Variants in NAGPA observed in about 807,000 individuals in gnomAD.
NAGPA encodes the protein alpha-N-acetylglucosaminyl phosphodiesterase.
NAGPA carries 56 observed loss-of-function variants against 48.5 expected under a neutral mutation model. The observed-to-expected ratio is 1.15, with a 90% CI of 0.93 to 1.44. The LOEUF is 1.44. Ranked by LOEUF, NAGPA falls within the 40% of genes most tolerant of loss-of-function variation. NAGPA has a pLI of 0.00. For synonymous variants in NAGPA, 399 were observed against 315.5 expected, an observed-to-expected ratio of 1.26 and a Z score of -2.81; for missense variants, 888 against 735.0, an observed-to-expected ratio of 1.21 and a Z score of -2.41.
At position 5,025,683 on chromosome 16, in the gene NAGPA, G is replaced by A. The variant is rs763888231; in HGVS notation, c.1343C>T (p.Thr448Ile). Residue 448 changes from threonine (T) to isoleucine (I), a missense_variant and splice_region_variant, in exon 10 of 10, where the codon ACC (threonine) becomes ATC (isoleucine). Thr to Ile is a moderately conservative substitution (Grantham distance 89, BLOSUM62 -1). Transcript: ENST00000312251. Reference protein sequence around the residue: ...RAGELSFFTRTAWLALTLALA... With the variant: ...RAGELSFFTRIAWLALTLALA... ...CGCCAGGGTGAGGGCTAGCCAGGCGGTCCTGCAGACAGGAGAGAAGCCCCA... is the reference window on the plus strand; with the variant it reads ...CGCCAGGGTGAGGGCTAGCCAGGCGATCCTGCAGACAGGAGAGAAGCCCCA... The A allele has an allele frequency of 1.2e-6, 2 of 1,601,940 alleles. No homozygotes were observed. Among genetic ancestry groups the A allele is most frequent in the Admixed American group, 3.5e-5 (2 of 57,390 alleles).
rs980640320 is a variant in NAGPA, at chr16:5,025,050, G to A, written c.*428C>T. The A allele has an allele frequency of 1.4e-5, 3 of 214,494 alleles. No homozygotes were observed. Among genetic ancestry groups the A allele is most frequent in the African/African-American group, 4.5e-5 (2 of 44,504 alleles). The allele number at this position is 214,494 out of a possible 1,614,324, so 13.3% of individuals were successfully genotyped here. On this transcript the variant is annotated 3_prime_UTR_variant, in exon 10 of 10. Coordinates refer to ENST00000312251, the MANE Select transcript of NAGPA (RefSeq NM_016256.4). ...GAGGTCTGTAGAAAAGGGGTCCCGT[G>A]TCACAGCCAGGAAGGCAGACTCGTC...
At position 5,030,409 on chromosome 16, in the gene NAGPA, G is replaced by T; in HGVS notation, c.767C>A (p.Ala256Glu). The T allele has an allele frequency of 6.4e-7, 1 of 1,552,724 alleles. No individual in the cohort carries two copies. The highest frequency in any genetic ancestry group is 1.2e-5 in the South Asian group (1 of 84,122). The stretch of plus-strand genomic sequence containing the variant: ...CCCACGCTGCTCCGTTTGGCCGTCT[G>T]CATGAAAGAGCACCAGCTGCCCTTT... ...DRKGQLVLFH[A>E]DGQTEQRGIN... Residue 256 changes from alanine to glutamate, a missense_variant, in exon 4 of 10, where the codon GCA (alanine) becomes GAA (glutamate). Transcript: ENST00000312251.
intron 2 of NAGPA, 100 bp from the exon 3 acceptor site, chr16:5,031,984 C>A (rs1309054408): frequency 2.0e-6 from 3 of 1,534,008 alleles, no homozygotes; most frequent in African/African-American, 1.4e-5. Flanking sequence ...GCTAGATTCC[C>A]CCTCATGCCC....
At position 5,033,834 on chromosome 16, in the gene NAGPA, G is replaced by A. The variant is rs1956152510; in HGVS notation, c.81C>T (p.Asp27=). 1 of 1,551,366 alleles carries A rather than the reference G, an allele frequency of 6.4e-7. No homozygotes were observed. The highest frequency in any genetic ancestry group is 1.4e-5 in the African/African-American group (1 of 73,188). Residue 27 remains aspartate (D), a synonymous_variant, in exon 1 of 10, where the codon GAC becomes GAT. Transcript: ENST00000312251. This position sits in a 1 kb window ranked among gnomAD's most constrained non-coding sequence, Gnocchi z 4.2. The part of the protein sequence containing the change: ...GFLWEASGGL[D]SGASRDDDLL... ...GCCCAGGGAGCTGCACTCACCCCGAGTCGAGGCCGCCGGACGCTTCCCAGA... is the reference window on the plus strand; with the variant it reads ...GCCCAGGGAGCTGCACTCACCCCGAATCGAGGCCGCCGGACGCTTCCCAGA...
intron 5 of NAGPA, chr16:5,028,455 A>G: frequency 1.4e-6 from 1 of 710,926 alleles, no homozygotes; most frequent in Non-Finnish European, 2.5e-6. Context: ...CACTGGTCTT[A>G]AACTCCTGGG....
At position 5,025,489 on chromosome 16, in the gene NAGPA, A is replaced by G. The variant is rs1257503391; in HGVS notation, c.1537T>C (p.Phe513Leu). 6.2e-7 allele frequency: 1 copy of G among 1,612,142 alleles called. No homozygotes were observed. The highest frequency in any genetic ancestry group is 1.3e-5 in the African/African-American group (1 of 74,986). Residue 513 changes from phenylalanine to leucine, a missense_variant, in exon 10 of 10, where the codon TTC (phenylalanine) becomes CTC (leucine). Physicochemically the swap from Phe to Leu is conservative, Grantham distance 22. Coordinates refer to ENST00000312251, the MANE Select transcript of NAGPA (RefSeq NM_016256.4). Reference protein sequence around the residue: ...KEQPGGAHNPFKD With the variant: ...KEQPGGAHNPLKD ...GGCAGCTTGAGGCTTCAGTCCTTGA[A>G]GGGGTTGTGGGCGCCCCCTGGCTGC... is the stretch of plus-strand genomic sequence containing the variant.
At chr16:5,026,041 G>A (rs1344873670) in intron 9 of NAGPA, among the ~76,000 whole-genome samples, 2 of 150,986 alleles carry the variant, frequency 1.3e-5, no homozygotes, top group East Asian at 2.0e-4. Context: ...CGATTCCCCT[G>A]CCTTGGACTC....
Position 5,033,469 on chromosome 16 carries a change from C to A in NAGPA, c.346G>T (p.Ala116Ser), listed in dbSNP as rs1484613583. 1.9e-6 allele frequency: 3 copies of A among 1,579,526 alleles called. No individual in the cohort carries two copies. Among genetic ancestry groups the A allele is most frequent in the Non-Finnish European group, 2.6e-6 (3 of 1,171,058 alleles). ...TCCACGGTGGCGCGTCGTCTCGCCGCGCAGCCGCCGGGTCCACCGGGCTCC... is the reference window on the plus strand; with the variant it reads ...TCCACGGTGGCGCGTCGTCTCGCCGAGCAGCCGCCGGGTCCACCGGGCTCC... ...VLEPGGPGGC[A>S]ARRRATVEET... The change falls in exon 2 of 10, where the codon GCG (alanine) becomes TCG (serine). Residue 116 changes from alanine (A) to serine (S), a missense_variant. Transcript: ENST00000312251. The surrounding 1 kb of genome is among the most constrained non-coding windows in gnomAD (Gnocchi z 4.2).
Position 5,033,621 on chromosome 16 carries a change from G to A in NAGPA, c.194C>T (p.Pro65Leu). ...GGCGCCGGGAGTCGCGGGAGGCGGA[G>A]GCCAACTCTCGTGCTCGCGGTTGCC... The part of the protein sequence containing the change: ...RAGNREHESW[P>L]PPPATPGAGG... The change falls in exon 2 of 10, where the codon CCT becomes CTT. Residue 65 changes from proline (P) to leucine (L), a missense_variant. By Grantham distance (98) the Pro-to-Leu change is moderately conservative. Transcript: ENST00000312251. This position sits in a 1 kb window ranked among gnomAD's most constrained non-coding sequence, Gnocchi z 4.2. 6.6e-7 allele frequency: 1 copy of A among 1,523,830 alleles called. No homozygotes were observed. The highest frequency in any genetic ancestry group is 8.7e-7 in the Non-Finnish European group (1 of 1,147,946). The allele number at this position is 1,523,830 out of a possible 1,614,324, so 94.4% of individuals were successfully genotyped here.
At chr16:5,032,774 A>G (rs1956125129) in intron 2 of NAGPA, among the ~76,000 whole-genome samples, 1 of 151,574 alleles carries the variant, frequency 6.6e-6, no homozygotes, top group Non-Finnish European at 1.5e-5. Context: ...TGAGCCTCTG[A>G]GCCTTTGTGC....
Position 5,033,212 on chromosome 16 carries a change from G to A in NAGPA, c.542+61C>T, listed in dbSNP as rs1956134226. The A allele has an allele frequency of 1.3e-6, 2 of 1,533,054 alleles. No homozygotes were observed. Among genetic ancestry groups the A allele is most frequent in the Non-Finnish European group, 1.7e-6 (2 of 1,143,074 alleles). 95.0% of individuals were successfully genotyped at this position (1,533,054 alleles called of 1,614,324 possible). A position where few individuals can be genotyped will look rare whatever the true frequency, so the allele number is the denominator to read the frequency against. The stretch of plus-strand genomic sequence containing the variant: ...TTAAGTGACTTGAACACGGAGGCAC[G>A]GCTACAACCCAAATCTCAGGCCCTC... On this transcript the variant is annotated intron_variant, in intron 2 of 9. Coordinates refer to ENST00000312251, the MANE Select transcript of NAGPA (RefSeq NM_016256.4). The surrounding 1 kb of genome is among the most constrained non-coding windows in gnomAD (Gnocchi z 4.2).
intron 4 of NAGPA, 102 bp downstream of exon 4, chr16:5,030,283 A>G: frequency 9.1e-7 from 1 of 1,095,606 alleles, no homozygotes; most frequent in South Asian, 1.3e-5. Flanking sequence ...AGGTGTCAAC[A>G]TCCCAGAAAG....
chr16:5,033,342 C>G lies in NAGPA; in HGVS notation c.473G>C (p.Arg158Pro). The change falls in exon 2 of 10, where the codon CGG (arginine) becomes CCG (proline). Residue 158 changes from arginine to proline, a missense_variant. Arg to Pro is a moderately radical substitution (Grantham distance 103, BLOSUM62 -2). Coordinates refer to ENST00000312251, the MANE Select transcript of NAGPA (RefSeq NM_016256.4). This position sits in a 1 kb window ranked among gnomAD's most constrained non-coding sequence, Gnocchi z 4.2. Reference protein sequence around the residue: ...CLGNVVSDERRVSSSGGLQNA... With the variant: ...CLGNVVSDERPVSSSGGLQNA... ...CTGCAGCCCCCCGGAGCTGCTCACC[C>G]GCCGCTCGTCGCTCACCACGTTCCC... 1 of 1,597,928 alleles carries G rather than the reference C, an allele frequency of 6.3e-7. No individual in the cohort carries two copies. Among genetic ancestry groups the G allele is most frequent in the Non-Finnish European group, 8.5e-7 (1 of 1,179,586 alleles).
In NAGPA at chr16:5,024,996, A is replaced by G. The variant is rs1955969165; in HGVS notation, c.*482T>C. 1 of 166,158 alleles carries G rather than the reference A, an allele frequency of 6.0e-6. No homozygotes were observed. The highest frequency in any genetic ancestry group is 2.4e-5 in the African/African-American group (1 of 41,926). The allele number at this position is 166,158 out of a possible 1,614,324, so 10.3% of individuals were successfully genotyped here. A position where few individuals can be genotyped will look rare whatever the true frequency, so the allele number is the denominator to read the frequency against. On this transcript the variant is annotated 3_prime_UTR_variant, in exon 10 of 10. Transcript: ENST00000312251. ...TCCAAGGAGCTTCCTATGACAGGAA[A>G]TCGAATTCTAGTTGGCAAATCCAGT...
chr16:5,031,712 A>C (rs1209829718), intron 3 of NAGPA, 33 bp downstream of exon 3: 10 of 1,613,926 alleles, frequency 6.2e-6, no homozygotes, highest in Non-Finnish European at 8.5e-6. Flanking sequence ...CTGGTTCTCG[A>C]GAGGGTTGTT....
At chr16:5,027,719 G>C (rs982909784) in intron 7 of NAGPA, 127 bp downstream of exon 7, 5 of 1,379,464 alleles carry the variant, frequency 3.6e-6, no homozygotes, top group Non-Finnish European at 5.0e-6. Flanking sequence ...GTGCAGGTGA[G>C]GCCGGGGCAG....
rs372819362 is a variant in NAGPA at position 5,030,417 on chromosome 16, G to C, written c.759C>G (p.Leu253=). The C allele has an allele frequency of 5.8e-6, 9 of 1,553,094 alleles. No individual in the cohort carries two copies. The highest frequency in any genetic ancestry group is 2.7e-5 in the African/African-American group (2 of 73,132). The change falls in exon 4 of 10, where the codon CTC becomes CTG. Residue 253 remains leucine (L), a synonymous_variant. Transcript: ENST00000312251. The part of the protein sequence containing the change: ...IGHDRKGQLV[L]FHADGQTEQR... ...GCTCCGTTTGGCCGTCTGCATGAAA[G>C]AGCACCAGCTGCCCTTTCCGGTCGT...
In NAGPA at chr16:5,028,066, C is replaced by T. The variant is rs1238533396; in HGVS notation, c.1040G>A (p.Cys347Tyr). 6.2e-7 allele frequency: 1 copy of T among 1,613,828 alleles called. No individual in the cohort carries two copies. The highest frequency in any genetic ancestry group is 8.5e-7 in the Non-Finnish European group (1 of 1,179,922). The change falls in exon 6 of 10, where the codon TGC becomes TAC. Residue 347 changes from cysteine (C) to tyrosine (Y), a missense_variant. Transcript: ENST00000312251. ...GGGACCCCGCCAGAAGTGCCCGGTG[C>T]ATTGGCAGTGCCCGTCCACGCAGGT... ...HGTCVDGHCQCTGHFWRGPGC... is the reference protein window; with the variant it reads ...HGTCVDGHCQYTGHFWRGPGC...
chr16:5,029,435 G>A, intron 4 of NAGPA: 1 of 290,310 alleles, frequency 3.4e-6, no homozygotes, highest in South Asian at 3.3e-5. Flanking sequence ...GCGGCCAGCA[G>A]GGAAACCAAG....
Sources: gnomAD v4.1 joint callset for allele counts (sites outside exome capture counted in the v4.1 genomes callset) on GRCh38, gnomAD v4.1.1 for gene constraint, Gnocchi (gnomAD v3.1) non-coding constraint, MANE v1.5 for transcripts, NCBI Gene and HGNC (gene_info 2026-07-23, HGNC 2026-07-21) for gene names.